The following CDC45 variants were observed in gnomAD, a reference collection of about 807,000 sequenced individuals.
CDC45 encodes the protein cell division control protein 45 homolog.
In CDC45, 54 loss-of-function variants were observed where a neutral mutation model predicts 77.8. The ratio of observed to expected loss-of-function variants is 0.69; its 90% confidence interval spans 0.56 to 0.87. The LOEUF is 0.87. Among genes scored for constraint, CDC45 ranks in the 40% least tolerant of loss-of-function variants. The pLI is 0.00. For missense variants in CDC45, 649 were observed against 721.6 expected, an observed-to-expected ratio of 0.90 and a Z score of 1.15; for synonymous variants, 260 against 272.1, an observed-to-expected ratio of 0.96 and a Z score of 0.44.
In CDC45 at chr22:19,499,152, G is replaced by A; in HGVS notation, c.704+1G>A. The A allele has an allele frequency of 6.2e-7, 1 of 1,614,118 alleles. No homozygotes were observed. Among genetic ancestry groups the A allele is most frequent in the Non-Finnish European group, 8.5e-7 (1 of 1,179,952 alleles). ...AGTGGGTGCAAGACAAGATCACTCA[G>A]TAAGGACACACTCCCTTGCCTTGCA... On this transcript the variant is annotated splice_donor_variant, in intron 9 of 18. Coordinates refer to ENST00000263201, the MANE Select transcript of CDC45 (RefSeq NM_003504.5). LOFTEE classifies it high-confidence loss of function.
chr22:19,511,511 G>T (rs1879450430), intron 13 of CDC45, among the ~76,000 whole-genome samples: 1 of 151,774 alleles, frequency 6.6e-6, no homozygotes, highest in Admixed American at 6.6e-5. Flanking sequence ...TAAATTTTTA[G>T]TAGAGATGAG....
intron 9 of CDC45, chr22:19,505,147 A>C: frequency 1.8e-6 from 1 of 569,970 alleles, no homozygotes; most frequent in Non-Finnish European, 3.1e-6. Context: ...GGAGGTGGAC[A>C]AGGCTAGAGA....
chr22:19,516,923 T>A (rs1214314092), intron 17 of CDC45, 30 bp downstream of exon 17: 1 of 1,579,602 alleles, frequency 6.3e-7, no homozygotes, highest in East Asian at 2.2e-5. Flanking sequence ...CTGCCACACT[T>A]TCCCACCTGA....
At position 19,507,517 on chromosome 22, in the gene CDC45, G is replaced by A; in HGVS notation, c.956G>A (p.Gly319Asp). Residue 319 changes from glycine (G) to aspartate (D), a missense_variant and splice_region_variant, in exon 11 of 19, where the codon GGT (glycine) becomes GAT (aspartate). Transcript: ENST00000263201. ...CTCCAGGAGTTCCTTGCAGACATGG[G>A]GTGAGTGACTGCCTGGGCCTCTGCA... is the stretch of plus-strand genomic sequence containing the variant. ...KRLQEFLADM[G>D]LPLKQVKQKF... 2 of 1,614,094 alleles carry A rather than the reference G, an allele frequency of 1.2e-6. No individual in the cohort carries two copies. The highest frequency in any genetic ancestry group is 1.7e-6 in the Non-Finnish European group (2 of 1,180,018).
At chr22:19,516,692 G>A (rs1477119690) in intron 16 of CDC45, 47 bp downstream of exon 16, 2 of 1,556,182 alleles carry the variant, frequency 1.3e-6, no homozygotes, top group Admixed American at 3.4e-5. Context: ...GGGGGTGTTG[G>A]GGTTATCAGC....
chr22:19,505,183 A>G (rs1453781482), intron 9 of CDC45, 179 bp from the exon 10 acceptor site: 1 of 660,096 alleles, frequency 1.5e-6, no homozygotes, highest in African/African-American at 1.8e-5. Flanking sequence ...CCATCCAATC[A>G]TGTTTTCCTG....
At chr22:19,518,610 G>C (rs958686435) in intron 17 of CDC45, among the ~76,000 whole-genome samples, 2 of 151,976 alleles carry the variant, frequency 1.3e-5, no homozygotes, top group Non-Finnish European at 1.5e-5. Context: ...TTGTCTTCCC[G>C]GGGGGGAGTT....
chr22:19,514,951 T>C lies in CDC45; in HGVS notation c.1357-14T>C. Reference sequence around the variant, plus strand: ...ACCAGTGGCTTCGTCTGACCATCTGTCTCGCCTCCGCAGGGCACTCCAGAT... The same window carrying C: ...ACCAGTGGCTTCGTCTGACCATCTGCCTCGCCTCCGCAGGGCACTCCAGAT... On this transcript the variant is annotated splice_polypyrimidine_tract_variant and intron_variant, in intron 14 of 18. Transcript: ENST00000263201. 1 of 1,614,210 alleles carries C rather than the reference T, an allele frequency of 6.2e-7. No homozygotes were observed. Among genetic ancestry groups the C allele is most frequent in the Non-Finnish European group, 8.5e-7 (1 of 1,180,026 alleles).
chr22:19,517,042 C>T, intron 17 of CDC45, 149 bp downstream of exon 17: 1 of 671,184 alleles, frequency 1.5e-6, no homozygotes, highest in Non-Finnish European at 2.6e-6. Context: ...CAGGCTACTC[C>T]TGGTGGCTCA....
At chr22:19,518,771 G>C in intron 17 of CDC45, 73 bp from the exon 18 acceptor site, 1 of 1,208,490 alleles carries the variant, frequency 8.3e-7, no homozygotes, top group East Asian at 2.3e-5. Context: ...GCAGGCAGCG[G>C]AGGGGAGTTC....
At chr22:19,501,826 C>T (rs1483589320) in intron 9 of CDC45, among the ~76,000 whole-genome samples, 1 of 152,124 alleles carries the variant, frequency 6.6e-6, no homozygotes, top group African/African-American at 2.4e-5. Flanking sequence ...GCAATCCTAC[C>T]ACCTTAGCCT....
Position 19,507,520 on chromosome 22 carries a change from G to A in CDC45, c.956+3G>A, listed in dbSNP as rs1374738496. ...CAGGAGTTCCTTGCAGACATGGGGT[G>A]AGTGACTGCCTGGGCCTCTGCAGTG... On this transcript the variant is annotated splice_donor_region_variant and intron_variant, in intron 11 of 18. Coordinates refer to ENST00000263201, the MANE Select transcript of CDC45 (RefSeq NM_003504.5). 1.9e-6 allele frequency: 3 copies of A among 1,613,928 alleles called. No individual in the cohort carries two copies. Among genetic ancestry groups the A allele is most frequent in the African/African-American group, 2.7e-5 (2 of 74,934 alleles).
intron 5 of CDC45, among the ~76,000 whole-genome samples, chr22:19,486,695 T>A (rs1342882934): frequency 2.0e-5 from 3 of 152,190 alleles, no homozygotes; most frequent in South Asian, 2.1e-4. Flanking sequence ...ATATATATAT[T>A]TTTTTGAGAC....
chr22:19,481,402 G>A (rs959564365), intron 3 of CDC45, among the ~76,000 whole-genome samples: 3 of 151,464 alleles, frequency 2.0e-5, no homozygotes, highest in Non-Finnish European at 2.9e-5. Flanking sequence ...TTTTTGAAAC[G>A]GAGTCTCGCT....
chr22:19,505,236 A>G (rs1325628960), intron 9 of CDC45, 126 bp from the exon 10 acceptor site: 25 of 1,097,704 alleles, frequency 2.3e-5, no homozygotes, highest in Non-Finnish European at 3.2e-5. Context: ...TAGTCCCTGC[A>G]TGGGAACAGC....
rs1392825383 is a variant in CDC45, at chr22:19,479,955, C to T, written c.-14C>T. The T allele has an allele frequency of 3.1e-6, 5 of 1,612,730 alleles. No individual in the cohort carries two copies. The highest frequency in any genetic ancestry group is 2.7e-5 in the African/African-American group (2 of 75,028). On this transcript the variant is annotated 5_prime_UTR_variant, in exon 1 of 19. Coordinates refer to ENST00000263201, the MANE Select transcript of CDC45 (RefSeq NM_003504.5). ...TACCTCAGCGCGAGCGCCAGGCGTC[C>T]GGCCGCCGTGGCTATGTTCGTGTCC... is the stretch of plus-strand genomic sequence containing the variant.
intron 12 of CDC45, 78 bp from the exon 13 acceptor site, chr22:19,508,452 A>G: frequency 6.8e-7 from 1 of 1,470,344 alleles, no homozygotes; most frequent in Non-Finnish European, 9.5e-7. Context: ...GAGGGACATT[A>G]GCACATCTGT....
chr22:19,515,803 C>G (rs1933754510), intron 15 of CDC45, among the ~76,000 whole-genome samples: 1 of 152,290 alleles, frequency 6.6e-6, no homozygotes, highest in East Asian at 1.9e-4. Flanking sequence ...CTGACCTGAT[C>G]CTCAGTTTCC....
In CDC45 at chr22:19,482,731, C is replaced by G. The variant is rs762559397; in HGVS notation, c.246C>G (p.Asp82Glu). The G allele has an allele frequency of 6.2e-7, 1 of 1,612,022 alleles. No individual in the cohort carries two copies. The highest frequency in any genetic ancestry group is 1.7e-5 in the Admixed American group (1 of 60,012). The change falls in exon 4 of 19, where the codon GAC (aspartate) becomes GAG (glutamate). Residue 82 changes from aspartate to glutamate, a missense_variant. Asp to Glu is a conservative substitution (Grantham distance 45). Coordinates refer to ENST00000263201, the MANE Select transcript of CDC45 (RefSeq NM_003504.5). ...TCATAAACTGTGGAGCTAATGTAGA[C>G]CTATTGGATATTCTTCAACCTGATG... Reference protein sequence around the residue: ...FILINCGANVDLLDILQPDED... With the variant: ...FILINCGANVELLDILQPDED...
Sources: gnomAD v4.1 joint callset for allele counts (sites outside exome capture counted in the v4.1 genomes callset) on GRCh38, gnomAD v4.1.1 for gene constraint, MANE v1.5 for transcripts, NCBI Gene and HGNC (gene_info 2026-07-23, HGNC 2026-07-21) for gene names.